Variants in SSH2 observed in about 807,000 individuals in gnomAD.
SSH2 encodes the protein protein phosphatase Slingshot homolog 2.
In SSH2, 37 loss-of-function variants were observed where a neutral mutation model predicts 135.2. The observed-to-expected ratio is 0.27, with a 90% CI of 0.21 to 0.36. The LOEUF (loss-of-function observed/expected upper bound fraction) is 0.36. Among genes scored for constraint, SSH2 ranks in the 10% least tolerant of loss-of-function variants. The probability of loss-of-function intolerance (pLI) is 1.00; values close to 1 mark genes in which losing one functional copy is unlikely to be tolerated. For missense variants in SSH2, 1,408 were observed against 1,765.3 expected, an observed-to-expected ratio of 0.80 and a Z score of 3.63; for synonymous variants, 628 against 646.2, an observed-to-expected ratio of 0.97 and a Z score of 0.43.
chr17:29,630,599 T>C lies in SSH2; in HGVS notation c.*242A>G, dbSNP rs1053790421. ...AAAGGTGTTCTCTGAAAATGACTTT[T>C]TTGAGGTTTGATTTTTTTAAATAAA... On this transcript the variant is annotated 3_prime_UTR_variant, in exon 16 of 16. Transcript: ENST00000540801. 1 of 323,406 alleles carries C rather than the reference T, an allele frequency of 3.1e-6. No individual in the cohort carries two copies. Among genetic ancestry groups the C allele is most frequent in the African/African-American group, 2.1e-5 (1 of 46,906 alleles). 20.0% of individuals were successfully genotyped at this position (323,406 alleles called of 1,614,324 possible).
intron 1 of SSH2, among the ~76,000 whole-genome samples, chr17:29,922,031 G>GTGGA (rs1335982526): frequency 6.6e-6 from 1 of 152,156 alleles, no homozygotes. Context: ...ATCTGAGGGG[G>GTGGA]TGGAGTCAGG....
At chr17:29,752,498 CCT>C (rs886501000) in intron 3 of SSH2, among the ~76,000 whole-genome samples, 4 of 151,770 alleles carry the variant, frequency 2.6e-5, no homozygotes, top group Non-Finnish European at 5.9e-5. Context: ...TAGATTTTTC[CCT>C]CACACTATAA....
chr17:29,722,170 G>A (rs946792163), intron 3 of SSH2, among the ~76,000 whole-genome samples: 5 of 151,832 alleles, frequency 3.3e-5, no homozygotes, highest in Non-Finnish European at 7.4e-5. Context: ...AGCTACTCGG[G>A]AGGCTGAGGC....
At chr17:29,861,439 TA>T (rs1161804797) in intron 1 of SSH2, among the ~76,000 whole-genome samples, 1 of 152,210 alleles carries the variant, frequency 6.6e-6, no homozygotes, top group Admixed American at 6.5e-5. Flanking sequence ...CTTCCTATTT[TA>T]AAGTTATATA....
intron 2 of SSH2, among the ~76,000 whole-genome samples, chr17:29,814,999 A>G (rs1354556838): frequency 7.0e-6 from 1 of 142,628 alleles, no homozygotes; most frequent in Non-Finnish European, 1.5e-5. Flanking sequence ...CCCAGGCTGG[A>G]GTGCAATGGT....
intron 3 of SSH2, among the ~76,000 whole-genome samples, chr17:29,788,091 AAGTTCTTTGCTT>A (rs2042001195): frequency 6.6e-6 from 1 of 151,960 alleles, no homozygotes; most frequent in African/African-American, 2.4e-5. Context: ...ATGTCTATTC[AAGTTCTTTGCTT>A]ATTTTTTAAT....
At chr17:29,759,247 G>A (rs1327726111) in intron 3 of SSH2, among the ~76,000 whole-genome samples, 1 of 151,492 alleles carries the variant, frequency 6.6e-6, no homozygotes, top group Admixed American at 6.6e-5. Flanking sequence ...TGTTGCCCAG[G>A]TTGGTCTCCA....
intron 2 of SSH2, 151 bp from the exon 3 acceptor site, chr17:29,794,088 A>C (rs2042118421): frequency 1.6e-6 from 1 of 613,616 alleles, no homozygotes; most frequent in Admixed American, 3.2e-5. Context: ...AAAAAAAGTG[A>C]CTTCAACCAA....
chr17:29,651,396 C>A (rs1434648431), intron 12 of SSH2, among the ~76,000 whole-genome samples: 1 of 152,210 alleles, frequency 6.6e-6, no homozygotes, highest in Non-Finnish European at 1.5e-5. Context: ...CCCTTAAACT[C>A]ATTTGACTGC....
chr17:29,743,624 C>A (rs1049106891), intron 3 of SSH2, among the ~76,000 whole-genome samples: 8 of 152,104 alleles, frequency 5.3e-5, no homozygotes, highest in African/African-American at 1.9e-4. Flanking sequence ...ACACTAATAA[C>A]CAGGATTAAA....
rs569710492 is a variant in SSH2, at chr17:29,798,359, A to C, written c.145-4422T>G. On this transcript the variant is annotated intron_variant, in intron 2 of 15. Transcript: ENST00000540801. ...GTTTTAGTAAAGGTGGGATTTCACC[A>C]TATTGGCCAGGGTGGTCTCGAACTC... Among the ~76,000 whole-genome samples the C allele has an allele frequency of 2.4e-4, 36 of 152,110 alleles. 1 individual carries two copies. Among genetic ancestry groups the C allele is most frequent in the Non-Finnish European group, 5.1e-4 (35 of 67,988 alleles).
chr17:29,784,338 T>C (rs530966501), intron 3 of SSH2, among the ~76,000 whole-genome samples: 3 of 151,728 alleles, frequency 2.0e-5, no homozygotes, highest in Admixed American at 6.6e-5. Context: ...TGAGCCAAGA[T>C]TGTGCCATTG....
intron 2 of SSH2, among the ~76,000 whole-genome samples, chr17:29,806,969 C>T (rs188660800): frequency 2.0e-5 from 3 of 152,186 alleles, no homozygotes; most frequent in African/African-American, 4.8e-5. Flanking sequence ...CCACAAGAAA[C>T]TTAAACAATG....
intron 11 of SSH2, among the ~76,000 whole-genome samples, chr17:29,659,245 C>A (rs1212300533): frequency 6.6e-6 from 1 of 152,108 alleles, no homozygotes; most frequent in Non-Finnish European, 1.5e-5. Flanking sequence ...TTTGCTAGGT[C>A]AAAGGCAGGA....
chr17:29,915,812 AT>A (rs1456257570), intron 1 of SSH2, among the ~76,000 whole-genome samples: 2 of 151,560 alleles, frequency 1.3e-5, no homozygotes, highest in African/African-American at 4.8e-5. Context: ...ACAAAAATTT[AT>A]TTTTTTAAAT....
At chr17:29,912,939 T>G (rs973543655) in intron 1 of SSH2, among the ~76,000 whole-genome samples, 1 of 151,964 alleles carries the variant, frequency 6.6e-6, no homozygotes, top group Admixed American at 6.6e-5. Flanking sequence ...CCAAATCTTA[T>G]AGCCACACTT....
intron 3 of SSH2, among the ~76,000 whole-genome samples, chr17:29,768,872 A>G (rs2041507074): frequency 6.6e-6 from 1 of 152,116 alleles, no homozygotes; most frequent in Non-Finnish European, 1.5e-5. Context: ...TGAAAATAAA[A>G]TAACTGAAAT....
At chr17:29,784,809 C>G (rs548316855) in intron 3 of SSH2, among the ~76,000 whole-genome samples, 1 of 152,258 alleles carries the variant, frequency 6.6e-6, no homozygotes, top group Admixed American at 6.5e-5. Flanking sequence ...TCCTTCCATT[C>G]TCCCCACTCT....
chr17:29,765,094 C>G (rs59270994), intron 3 of SSH2, among the ~76,000 whole-genome samples: 2,207 of 152,274 alleles, frequency 0.014, 56 homozygotes, highest in African/African-American at 0.049. Flanking sequence ...GGCCAAGTCC[C>G]TTCATCTATA....
Sources: allele counts gnomAD v4.1 joint callset (sites outside exome capture counted in the v4.1 genomes callset), GRCh38; gene constraint gnomAD v4.1.1; transcripts MANE v1.5; gene names NCBI Gene and HGNC (gene_info 2026-07-23, HGNC 2026-07-21).